The following MYOF variants were observed in gnomAD, a reference collection of about 807,000 sequenced individuals.
MYOF encodes myoferlin.
MYOF carries 244 observed loss-of-function variants against 284.2 expected under a neutral mutation model. The observed-to-expected ratio is 0.86, with a 90% CI of 0.77 to 0.95. The LOEUF (loss-of-function observed/expected upper bound fraction) is 0.95, where lower values mean the gene tolerates loss of function less well. Ranked by LOEUF, MYOF falls within the 40% of genes least tolerant of loss-of-function variation. The probability of loss-of-function intolerance (pLI) is 0.00; values close to 1 mark genes in which losing one functional copy is unlikely to be tolerated. For synonymous variants in MYOF, 904 were observed against 919.7 expected, an observed-to-expected ratio of 0.98 and a Z score of 0.31; for missense variants, 2,496 against 2,560.6, an observed-to-expected ratio of 0.97 and a Z score of 0.54.
intron 7 of MYOF, among the ~76,000 whole-genome samples, chr10:93,406,313 T>TA (rs1382394249): frequency 6.5e-5 from 8 of 122,356 alleles, no homozygotes; most frequent in African/African-American, 1.8e-4. Flanking sequence ...TATATATATA[T>TA]ATATTTGTTT....
chr10:93,318,952 G>C (rs1842738601), intron 49 of MYOF, among the ~76,000 whole-genome samples: 1 of 152,096 alleles, frequency 6.6e-6, no homozygotes, highest in African/African-American at 2.4e-5. Flanking sequence ...GACTATGCAG[G>C]TTCTAGGCCC....
intron 5 of MYOF, among the ~76,000 whole-genome samples, chr10:93,415,862 A>C (rs74150226): frequency 0.061 from 9,243 of 152,196 alleles, 890 homozygotes; most frequent in African/African-American, 0.21. Flanking sequence ...AATATTAAAA[A>C]ACAAAACTTT....
intron 5 of MYOF, among the ~76,000 whole-genome samples, chr10:93,410,530 G>C (rs1416556802): frequency 6.6e-6 from 1 of 152,114 alleles, no homozygotes; most frequent in Non-Finnish European, 1.5e-5. Flanking sequence ...CTCTATTGCA[G>C]CTTTTCCTCT....
At chr10:93,416,487 C>A (rs1848126571) in intron 5 of MYOF, among the ~76,000 whole-genome samples, 1 of 152,030 alleles carries the variant, frequency 6.6e-6, no homozygotes, top group African/African-American at 2.4e-5. Flanking sequence ...CGCGCCACTG[C>A]ACTCCAGCCT....
chr10:93,340,699 T>A (rs74963630), intron 38 of MYOF, among the ~76,000 whole-genome samples: 103 of 152,296 alleles, frequency 6.8e-4, no homozygotes, highest in African/African-American at 2.4e-3. Context: ...TAAATACTCA[T>A]CCATCAAAAC....
At chr10:93,334,947 A>G (rs1279551720) in intron 41 of MYOF, among the ~76,000 whole-genome samples, 1 of 152,164 alleles carries the variant, frequency 6.6e-6, no homozygotes, top group Non-Finnish European at 1.5e-5. Flanking sequence ...AAGGATTATA[A>G]AGCAGCAGCA....
chr10:93,309,578 C>A (rs1270020773), intron 53 of MYOF, among the ~76,000 whole-genome samples: 3 of 152,016 alleles, frequency 2.0e-5, no homozygotes, highest in Non-Finnish European at 4.4e-5. Flanking sequence ...AGGTTGGGAT[C>A]AATGATCTAG....
At chr10:93,394,862 T>C (rs964324336) in intron 16 of MYOF, among the ~76,000 whole-genome samples, 6 of 151,056 alleles carry the variant, frequency 4.0e-5, no homozygotes, top group African/African-American at 1.2e-4. Flanking sequence ...CTCTCTAATA[T>C]CTAATACTAT....
At chr10:93,461,345 T>A (rs1486783811) in intron 1 of MYOF, among the ~76,000 whole-genome samples, 1 of 152,130 alleles carries the variant, frequency 6.6e-6, no homozygotes, top group Non-Finnish European at 1.5e-5. Context: ...TTGAGCACTG[T>A]AGGAGACACA....
At chr10:93,437,027 G>A (rs996466540) in intron 3 of MYOF, among the ~76,000 whole-genome samples, 2 of 152,124 alleles carry the variant, frequency 1.3e-5, no homozygotes, top group Non-Finnish European at 2.9e-5. Context: ...CTTTCCTTGT[G>A]GAATTAATAA....
chr10:93,333,521 G>GC (rs1256084684), intron 42 of MYOF, among the ~76,000 whole-genome samples: 1 of 151,944 alleles, frequency 6.6e-6, no homozygotes, highest in African/African-American at 2.4e-5. Context: ...GCAGGGGGCG[G>GC]GGGGGAGTCC....
intron 4 of MYOF, among the ~76,000 whole-genome samples, chr10:93,427,323 G>A (rs891787868): frequency 5.3e-5 from 8 of 151,718 alleles, no homozygotes; most frequent in African/African-American, 7.3e-5. Context: ...ACAAGGTCAG[G>A]AGTTTGAGAC....
chr10:93,399,036 G>T (rs1414517762), intron 13 of MYOF, among the ~76,000 whole-genome samples: 1 of 152,036 alleles, frequency 6.6e-6, no homozygotes, highest in Non-Finnish European at 1.5e-5. Flanking sequence ...CACTGGGGGG[G>T]GGTCTCTGTC....
chr10:93,361,656 C>A (rs1845080475), intron 27 of MYOF, 99 bp from the exon 28 acceptor site: 1 of 1,019,908 alleles, frequency 9.8e-7, no homozygotes, highest in African/African-American at 1.6e-5. Context: ...ATGGCATTCA[C>A]ACCTTTACTT....
chr10:93,344,042 T>C (rs1227559667), intron 37 of MYOF, 110 bp from the exon 38 acceptor site: 1 of 1,133,342 alleles, frequency 8.8e-7, no homozygotes, highest in Non-Finnish European at 1.3e-6. Flanking sequence ...GAGTTTATTC[T>C]TGGATGGGAC....
intron 19 of MYOF, among the ~76,000 whole-genome samples, chr10:93,383,596 G>A (rs570853842): frequency 1.3e-5 from 2 of 152,292 alleles, no homozygotes; most frequent in African/African-American, 2.4e-5. Flanking sequence ...AGAATGATGT[G>A]GAAATTCTGG....
chr10:93,353,636 G>A (rs902798112), intron 32 of MYOF, among the ~76,000 whole-genome samples, 175 bp downstream of exon 32: 5 of 152,090 alleles, frequency 3.3e-5, no homozygotes, highest in Admixed American at 1.3e-4. Flanking sequence ...GGTGCCTAAA[G>A]CATTCAGTGA....
chr10:93,358,969 TC>T (rs1445812161), intron 29 of MYOF, among the ~76,000 whole-genome samples: 2 of 152,154 alleles, frequency 1.3e-5, no homozygotes, highest in Non-Finnish European at 2.9e-5. Flanking sequence ...ACTCATTCAT[TC>T]ATTAGCTCAT....
chr10:93,312,996 A>G (rs1469490026), intron 51 of MYOF, 24 bp downstream of exon 51: 3 of 1,582,050 alleles, frequency 1.9e-6, no homozygotes, highest in Admixed American at 1.8e-5. Flanking sequence ...ACGATTTTCA[A>G]CCAGAACCAG....
Sources: allele counts gnomAD v4.1 joint callset (sites outside exome capture counted in the v4.1 genomes callset), GRCh38; gene constraint gnomAD v4.1.1; transcripts MANE v1.5; gene names NCBI Gene and HGNC (gene_info 2026-07-23, HGNC 2026-07-21).